TAS2R1: variants seen among roughly 807,000 people sequenced by gnomAD.
TAS2R1 encodes taste 2 receptor member 1, also known as taste receptor type 2 member 1.
For synonymous variants in TAS2R1, 141 were observed against 134.2 expected (o/e 1.05, Z -0.35); for missense variants, 370 against 353.4 (o/e 1.05, Z -0.38).
chr5:9,869,646 C>T, the TAS2R1 span, among the ~76,000 whole-genome samples: 2 of 152,184 alleles, frequency 1.3e-5, no homozygotes, highest in South Asian at 4.1e-4. Context: ...ATTGATGTTT[C>T]AGATGTATTA....
the TAS2R1 span, among the ~76,000 whole-genome samples, chr5:9,754,505 T>A: frequency 6.6e-6 from 1 of 152,144 alleles, no homozygotes; most frequent in Non-Finnish European, 1.5e-5. Flanking sequence ...GAAAACCCCA[T>A]CGTCTTAGCC....
chr5:9,808,019 G>A, the TAS2R1 span, among the ~76,000 whole-genome samples: 1 of 152,118 alleles, frequency 6.6e-6, no homozygotes. Context: ...CTTAAAATGT[G>A]AAAGCAGCTT....
intron 1 of TAS2R1, among the ~76,000 whole-genome samples, chr5:9,686,113 C>T (rs1741118965): frequency 6.6e-6 from 1 of 152,204 alleles, no homozygotes; most frequent in South Asian, 2.1e-4. Flanking sequence ...GATCTGCCTG[C>T]CTCAGCCTCC....
the TAS2R1 span, among the ~76,000 whole-genome samples, chr5:9,748,202 T>C: frequency 6.6e-6 from 1 of 152,184 alleles, no homozygotes; most frequent in African/African-American, 2.4e-5. Flanking sequence ...AAGATTTTCA[T>C]GTGGTACCAT....
chr5:9,854,636 T>G, the TAS2R1 span: 4 of 152,250 alleles, frequency 2.6e-5, no homozygotes, highest in East Asian at 7.7e-4. Context: ...GAAAGTTTGA[T>G]GGATTGCTAA....
intron 1 of TAS2R1, among the ~76,000 whole-genome samples, chr5:9,690,848 G>T (rs902218940): frequency 1.3e-5 from 2 of 152,032 alleles, no homozygotes; most frequent in Non-Finnish European, 2.9e-5. Flanking sequence ...CAATCAGGAC[G>T]TAGAAGAGAG....
chr5:9,732,857 G>T, the TAS2R1 span, among the ~76,000 whole-genome samples: 2 of 152,192 alleles, frequency 1.3e-5, no homozygotes, highest in Non-Finnish European at 2.9e-5. Context: ...TTGCAGGGCA[G>T]CCCACAGGCT....
the TAS2R1 span, among the ~76,000 whole-genome samples, chr5:9,788,181 A>G: frequency 2.8e-4 from 43 of 152,340 alleles, 1 homozygote; most frequent in South Asian, 8.7e-3. Flanking sequence ...AGGATCACAC[A>G]TAGAAAGGTA....
the TAS2R1 span, among the ~76,000 whole-genome samples, chr5:9,827,156 T>TTCC: frequency 6.6e-6 from 1 of 152,160 alleles, no homozygotes; most frequent in South Asian, 2.1e-4. Flanking sequence ...CTTGTGCCCC[T>TTCC]TCCTCCTTCC....
the TAS2R1 span, among the ~76,000 whole-genome samples, chr5:9,855,594 T>C: frequency 6.6e-6 from 1 of 152,172 alleles, no homozygotes; most frequent in African/African-American, 2.4e-5. Flanking sequence ...ATGATCCCTT[T>C]AAAGAAAGCA....
At chr5:9,866,841 C>A in the TAS2R1 span, among the ~76,000 whole-genome samples, 1 of 152,166 alleles carries the variant, frequency 6.6e-6, no homozygotes, top group African/African-American at 2.4e-5. Flanking sequence ...TCTTTGTTTC[C>A]CTCTTTTTTC....
At chr5:9,707,845 G>A (rs1741649700) in intron 1 of TAS2R1, among the ~76,000 whole-genome samples, 1 of 152,112 alleles carries the variant, frequency 6.6e-6, no homozygotes, top group Non-Finnish European at 1.5e-5. Context: ...GAGCTGCAAA[G>A]ACCCTGCAGA....
chr5:9,801,864 G>A, the TAS2R1 span, among the ~76,000 whole-genome samples: 1 of 152,146 alleles, frequency 6.6e-6, no homozygotes, highest in African/African-American at 2.4e-5. Context: ...ATCCCCCACA[G>A]CAGCCACGGC....
intron 1 of TAS2R1, among the ~76,000 whole-genome samples, chr5:9,695,159 A>G (rs950075547): frequency 2.0e-5 from 3 of 152,212 alleles, no homozygotes; most frequent in Non-Finnish European, 4.4e-5. Flanking sequence ...TGCCTAGTCC[A>G]TGGGAAGCTC....
chr5:9,831,038 T>C, the TAS2R1 span, among the ~76,000 whole-genome samples: 1 of 152,156 alleles, frequency 6.6e-6, no homozygotes, highest in Admixed American at 6.6e-5. Flanking sequence ...TTCAACACCA[T>C]TAAGATGTCA....
At chr5:9,712,033 AGGGAGGGAG>A (rs1442667233) in intron 1 of TAS2R1, 35 of 2,644 alleles carry the variant, frequency 0.013, 1 homozygote, top group Non-Finnish European at 0.022. Context: ...GAAGGAAGGG[AGGGAGGGAG>A]GGAGGGAGGG....
At chr5:9,662,285 C>G (rs1213494421) in intron 1 of TAS2R1, among the ~76,000 whole-genome samples, 4 of 152,168 alleles carry the variant, frequency 2.6e-5, no homozygotes, top group Admixed American at 2.6e-4. Flanking sequence ...TCATTACCCC[C>G]AAATATCAAA....
intron 2 of TAS2R1, among the ~76,000 whole-genome samples, chr5:9,655,038 C>A (rs1245218213): frequency 6.6e-6 from 1 of 152,036 alleles, no homozygotes; most frequent in Admixed American, 6.6e-5. Flanking sequence ...AGGAAGAAGG[C>A]CAGACACAAC....
At chr5:9,712,275 A>G (rs1734700719), upstream of TAS2R1, 1 of 152,030 alleles carries the variant, frequency 6.6e-6, no homozygotes, top group African/African-American at 2.4e-5. Flanking sequence ...CCAGACCACC[A>G]ATTCTTGCTG....
Sources: gnomAD v4.1 joint callset for allele counts (sites outside exome capture counted in the v4.1 genomes callset) on GRCh38, gnomAD v4.1.1 for gene constraint, MANE v1.5 for transcripts, NCBI Gene and HGNC (gene_info 2026-07-23, HGNC 2026-07-21) for gene names.